Variants in CUX1 observed in about 807,000 individuals in gnomAD.
The protein encoded by CUX1 is cut like homeobox 1, also known as protein CASP.
A neutral mutation model predicts 158.8 loss-of-function variants in CUX1; 31 were observed. That is an observed-to-expected ratio of 0.20 (90% CI 0.15 to 0.26). The LOEUF is 0.26. Among genes scored for constraint, CUX1 ranks in the 10% least tolerant of loss-of-function variants. The pLI, the probability that CUX1 is intolerant of heterozygous loss-of-function variation, is 1.00. For missense variants in CUX1, 1,589 were observed against 2,014.6 expected, an observed-to-expected ratio of 0.79 and a Z score of 4.04; for synonymous variants, 879 against 862.1, an observed-to-expected ratio of 1.02 and a Z score of -0.34.
At chr7:102,090,080 T>TC (rs1828376065) in intron 4 of CUX1, among the ~76,000 whole-genome samples, 2 of 152,182 alleles carry the variant, frequency 1.3e-5, no homozygotes, top group African/African-American at 4.8e-5. Flanking sequence ...AAGCAGAGAC[T>TC]CCAAGTTCTG....
chr7:101,841,076 A>G (rs906003544), intron 1 of CUX1, among the ~76,000 whole-genome samples: 2 of 151,346 alleles, frequency 1.3e-5, no homozygotes, highest in East Asian at 1.9e-4. Context: ...TGTATTTTTA[A>G]TAGAGACGGG....
chr7:102,033,935 T>C (rs560545388), intron 3 of CUX1, among the ~76,000 whole-genome samples: 1 of 151,790 alleles, frequency 6.6e-6, no homozygotes, highest in East Asian at 1.9e-4. Context: ...CACTCGAGGT[T>C]GGGAGATCGA....
At chr7:102,013,146 A>G (rs7780375) in intron 2 of CUX1, among the ~76,000 whole-genome samples, 56,904 of 150,776 alleles carry the variant, frequency 0.38, 11,315 homozygotes, top group Middle Eastern at 0.4. Flanking sequence ...AAAAAGCACC[A>G]TCCCAGGGTT....
chr7:101,998,850 G>A (rs899193197), intron 2 of CUX1, among the ~76,000 whole-genome samples: 1 of 152,180 alleles, frequency 6.6e-6, no homozygotes, highest in African/African-American at 2.4e-5. Context: ...TTAAGTTGAG[G>A]GAGCTGCTAT....
intron 23 of CUX1, among the ~76,000 whole-genome samples, chr7:102,240,845 G>C (rs1800122922): frequency 6.6e-6 from 1 of 152,034 alleles, no homozygotes; most frequent in Non-Finnish European, 1.5e-5. Context: ...GTTTGAGACG[G>C]AGCCTTGCTC....
chr7:102,071,050 G>T (rs1826076281), intron 4 of CUX1, among the ~76,000 whole-genome samples: 1 of 152,094 alleles, frequency 6.6e-6, no homozygotes, highest in Non-Finnish European at 1.5e-5. Context: ...GCACCTCCCG[G>T]GCTCAAGCGA....
chr7:102,147,104 C>T (rs1227276262), intron 8 of CUX1, among the ~76,000 whole-genome samples: 1 of 151,890 alleles, frequency 6.6e-6, no homozygotes, highest in African/African-American at 2.4e-5. Context: ...CAGACTGGAC[C>T]GACTCTCTTT....
intron 2 of CUX1, among the ~76,000 whole-genome samples, chr7:101,977,808 CT>C (rs1388889502): frequency 6.6e-6 from 1 of 152,230 alleles, no homozygotes; most frequent in Non-Finnish European, 1.5e-5. Context: ...AAGATTCCTC[CT>C]TCCAGGAGCC....
At chr7:102,276,988 C>A (rs1445852897) in intron 17 of CUX1, among the ~76,000 whole-genome samples, 1 of 152,044 alleles carries the variant, frequency 6.6e-6, no homozygotes, top group Non-Finnish European at 1.5e-5. Context: ...AAGGCTAATA[C>A]CAATGACAAA....
chr7:102,239,561 C>T lies in CUX1; in HGVS notation c.3864C>T (p.Val1288=). ...ATQLNLKTST[V]INWFHNYRSR... is the part of the protein sequence containing the mutation. ...AGCTCAACCTGAAAACCAGCACCGT[C>T]ATCAACTGGTTCCACAACTACAGGT... is the stretch of plus-strand genomic sequence containing the variant. Residue 1288 remains valine (V), a synonymous_variant, in exon 23 of 24, where the codon GTC becomes GTT. Coordinates refer to ENST00000292535, the MANE Select transcript of CUX1 (RefSeq NM_181552.4). 9.3e-6 allele frequency: 15 copies of T among 1,613,726 alleles called. No individual in the cohort carries two copies. Among genetic ancestry groups the T allele is most frequent in the Non-Finnish European group, 1.3e-5 (15 of 1,179,650 alleles).
At chr7:102,172,555 T>C (rs1791848383) in intron 10 of CUX1, among the ~76,000 whole-genome samples, 1 of 152,154 alleles carries the variant, frequency 6.6e-6, no homozygotes, top group Non-Finnish European at 1.5e-5. Context: ...CGGCCCTATT[T>C]TTTTATATAG....
intron 1 of CUX1, among the ~76,000 whole-genome samples, chr7:101,884,478 A>G (rs1356499165): frequency 1.3e-5 from 2 of 152,164 alleles, no homozygotes; most frequent in African/African-American, 2.4e-5. Flanking sequence ...CCTCATCCCA[A>G]AGACCTTGTG....
chr7:101,816,995 G>T, upstream of CUX1: 8 of 984,370 alleles, frequency 8.1e-6, no homozygotes, highest in Non-Finnish European at 9.6e-6. Context: ...GCTCTTTTGT[G>T]TGCCTGTGTC....
intron 2 of CUX1, among the ~76,000 whole-genome samples, chr7:101,955,991 G>A (rs1317974294): frequency 5.3e-5 from 8 of 151,982 alleles, no homozygotes; most frequent in African/African-American, 1.9e-4. Flanking sequence ...GACCATCCTG[G>A]CTAACACGGT....
At chr7:101,973,313 C>T (rs1812212582) in intron 2 of CUX1, among the ~76,000 whole-genome samples, 1 of 152,110 alleles carries the variant, frequency 6.6e-6, no homozygotes, top group Admixed American at 6.6e-5. Flanking sequence ...CGCAGCTGGA[C>T]TCATCTCACA....
intron 2 of CUX1, among the ~76,000 whole-genome samples, chr7:101,976,900 A>ATTTTTCTTTTTTTTTTTTTTTTT (rs1812762360): frequency 2.5e-5 from 1 of 39,462 alleles, no homozygotes; most frequent in Non-Finnish European, 4.2e-5. Context: ...TCCCTTTCTG[A>ATTTTTCTTTTTTTTTTTTTTTTT]TTTTTTTTTT....
Position 102,249,242 on chromosome 7 carries a change from G to T in CUX1, c.*200G>T, listed in dbSNP as rs1386936532. 63 of 1,084,952 alleles carry T rather than the reference G, an allele frequency of 5.8e-5. No homozygotes were observed. The highest frequency in any genetic ancestry group is 6.9e-5 in the Non-Finnish European group (62 of 893,176). The allele number at this position is 1,084,952 out of a possible 1,614,324, so 67.2% of individuals were successfully genotyped here. ...CCCGAGGCCCAGATCCAAGGCCGCGGCCCAGACCCACTCTGCGGCCCGGGC... is the reference window on the plus strand; with the variant it reads ...CCCGAGGCCCAGATCCAAGGCCGCGTCCCAGACCCACTCTGCGGCCCGGGC... On this transcript the variant is annotated 3_prime_UTR_variant, in exon 24 of 24. Transcript: ENST00000292535.
At chr7:101,989,065 G>C (rs1315167167) in intron 2 of CUX1, among the ~76,000 whole-genome samples, 2 of 152,006 alleles carry the variant, frequency 1.3e-5, no homozygotes, top group Admixed American at 1.3e-4. Context: ...TGGAAGCAAG[G>C]CTTCCTCATT....
Position 102,104,404 on chromosome 7 carries a change from A to G in CUX1, c.475A>G (p.Thr159Ala). The G allele has an allele frequency of 6.2e-7, 1 of 1,613,242 alleles. No individual in the cohort carries two copies. Among genetic ancestry groups the G allele is most frequent in the Non-Finnish European group, 8.5e-7 (1 of 1,179,872 alleles). The change falls in exon 6 of 24, where the codon ACC becomes GCC. Residue 159 changes from threonine to alanine, a missense_variant. Thr to Ala is a moderately conservative substitution (Grantham distance 58). Coordinates refer to ENST00000292535, the MANE Select transcript of CUX1 (RefSeq NM_181552.4). Reference sequence around the variant, plus strand: ...ACAGACACTGAAGAACCAAGCCGAAACCATAGCTCTTGAGAAGGAACAGAA... The same window carrying G: ...ACAGACACTGAAGAACCAAGCCGAAGCCATAGCTCTTGAGAAGGAACAGAA... ...YEQTLKNQAE[T>A]IALEKEQKLQ...
Sources: gnomAD v4.1 joint callset for allele counts (sites outside exome capture counted in the v4.1 genomes callset) on GRCh38, gnomAD v4.1.1 for gene constraint, MANE v1.5 for transcripts, NCBI Gene and HGNC (gene_info 2026-07-23, HGNC 2026-07-21) for gene names.